The following PPP1R7 variants were observed in gnomAD, a reference collection of about 807,000 sequenced individuals.
PPP1R7 encodes protein phosphatase 1 regulatory subunit 7.
In PPP1R7, 18 loss-of-function variants were observed where a neutral mutation model predicts 45.2. The observed-to-expected ratio is 0.40, with a 90% CI of 0.28 to 0.59. PPP1R7 has a LOEUF of 0.59. PPP1R7 is among the 20% of genes least tolerant of loss of function. The probability of loss-of-function intolerance (pLI) is 0.46; values close to 1 mark genes in which losing one functional copy is unlikely to be tolerated. For synonymous variants in PPP1R7, 181 were observed against 183.4 expected, an observed-to-expected ratio of 0.99 and a Z score of 0.11; for missense variants, 314 against 455.8, an observed-to-expected ratio of 0.69 and a Z score of 2.83.
rs146774244 is a variant in PPP1R7 at position 241,167,255 on chromosome 2, T to C, written c.819+814T>C. The C allele has an allele frequency of 5.0e-4, 238 of 475,326 alleles. 6 individuals carry two copies. The highest frequency in any genetic ancestry group is 4.4e-3 in the African/African-American group (221 of 50,144). 29.4% of individuals were successfully genotyped at this position (475,326 alleles called of 1,614,324 possible). On this transcript the variant is annotated intron_variant, in intron 8 of 9. Coordinates refer to ENST00000234038, the MANE Select transcript of PPP1R7 (RefSeq NM_002712.3). ...CTATAAACATAGTGTTTCAATCTCA[T>C]TAAAGGCCTTTGTGCCTCAACCCCA...
At chr2:241,166,555 C>A (rs954923790) in intron 8 of PPP1R7, 114 bp downstream of exon 8, 2 of 828,640 alleles carry the variant, frequency 2.4e-6, no homozygotes, top group Admixed American at 2.5e-5. Context: ...AGATGCCCTG[C>A]CTCTGGAGGT....
intron 6 of PPP1R7, among the ~76,000 whole-genome samples, chr2:241,160,737 A>G (rs2067569548): frequency 6.6e-6 from 1 of 152,250 alleles, no homozygotes; most frequent in Non-Finnish European, 1.5e-5. Flanking sequence ...CTTCATCCAG[A>G]TCATGACCCT....
At chr2:241,172,334 T>G (rs1224726852) in intron 9 of PPP1R7, among the ~76,000 whole-genome samples, 2 of 152,210 alleles carry the variant, frequency 1.3e-5, no homozygotes, top group African/African-American at 4.8e-5. Flanking sequence ...ATCCCCATGA[T>G]ACCTTATCTT....
chr2:241,163,465 A>G (rs758879977), intron 7 of PPP1R7, 64 bp downstream of exon 7: 17 of 1,160,168 alleles, frequency 1.5e-5, no homozygotes, highest in Non-Finnish European at 2.0e-5. Context: ...GCTGGACACA[A>G]TCTTAGTTTT....
intron 9 of PPP1R7, among the ~76,000 whole-genome samples, chr2:241,173,269 C>CA (rs540011262): frequency 0.31 from 27,525 of 87,602 alleles, 4,502 homozygotes; most frequent in East Asian, 0.67. Flanking sequence ...AAGACTTTCT[C>CA]AAAAAAAAAA....
chr2:241,168,096 C>T (rs2067752251), intron 8 of PPP1R7, among the ~76,000 whole-genome samples: 1 of 152,062 alleles, frequency 6.6e-6, no homozygotes, highest in Non-Finnish European at 1.5e-5. Context: ...GTGTCATGCC[C>T]TTTGGTGTGC....
At chr2:241,168,833 TGGG>T (rs1014775230) in intron 8 of PPP1R7, among the ~76,000 whole-genome samples, 1 of 152,028 alleles carries the variant, frequency 6.6e-6, no homozygotes, top group Admixed American at 6.6e-5. Context: ...TCAGGGGAGA[TGGG>T]GGGAGGAGTA....
intron 6 of PPP1R7, among the ~76,000 whole-genome samples, chr2:241,162,679 A>C (rs1438268037): frequency 7.1e-6 from 1 of 139,970 alleles, no homozygotes; most frequent in Non-Finnish European, 1.5e-5. Flanking sequence ...GGCTCTTGGG[A>C]GGACTTTTTT....
chr2:241,176,782 T>C (rs941470626), intron 9 of PPP1R7, among the ~76,000 whole-genome samples: 1 of 152,194 alleles, frequency 6.6e-6, no homozygotes. Context: ...ACTTTTAAAA[T>C]CTACTAAAAC....
At chr2:241,149,723 G>T, upstream of PPP1R7, 3 of 1,549,404 alleles carry the variant, frequency 1.9e-6, no homozygotes, top group South Asian at 3.5e-5. Context: ...GTAGCGCAGA[G>T]CTCGCCTCTT....
At chr2:241,169,742 C>T in intron 8 of PPP1R7, 39 bp from the exon 9 acceptor site, 1 of 1,531,768 alleles carries the variant, frequency 6.5e-7, no homozygotes, top group Non-Finnish European at 9.0e-7. Flanking sequence ...CACTGTTGAT[C>T]AGAGGTAATC....
intron 7 of PPP1R7, among the ~76,000 whole-genome samples, chr2:241,164,280 T>G (rs1022432819): frequency 2.0e-5 from 3 of 152,132 alleles, no homozygotes; most frequent in African/African-American, 7.2e-5. Context: ...CAAAGGGGAC[T>G]TCTTCAGAAG....
In PPP1R7 at chr2:241,182,753, A is replaced by G; in HGVS notation, c.1013A>G (p.Gln338Arg). The part of the protein sequence containing the change: ...LERNPLQKDP[Q>R]YRRKVMLALP... The stretch of plus-strand genomic sequence containing the variant: ...CGGAACCCCTTGCAGAAGGACCCCC[A>G]GTACCGGCGGAAGGTCATGCTCGCC... Residue 338 changes from glutamine (Q) to arginine (R), a missense_variant, in exon 10 of 10, where the codon CAG (glutamine) becomes CGG (arginine). This residue lies in a region of PPP1R7 where 168 missense variants were observed against 285.3 expected (regional missense o/e 0.59). Coordinates refer to ENST00000234038, the MANE Select transcript of PPP1R7 (RefSeq NM_002712.3). 1.2e-6 allele frequency: 2 copies of G among 1,614,168 alleles called. No homozygotes were observed. The highest frequency in any genetic ancestry group is 1.6e-4 in the Middle Eastern group (1 of 6,062).
At chr2:241,157,984 A>C in intron 3 of PPP1R7, 122 bp downstream of exon 3, 1 of 954,718 alleles carries the variant, frequency 1.0e-6, no homozygotes, top group Non-Finnish European at 1.6e-6. Context: ...TGGTTGAGTC[A>C]GAGTCCCGTG....
intron 9 of PPP1R7, among the ~76,000 whole-genome samples, chr2:241,171,646 A>T (rs2067819287): frequency 6.6e-6 from 1 of 152,256 alleles, no homozygotes; most frequent in Admixed American, 6.5e-5. Flanking sequence ...AAACCTTCCA[A>T]CTATAATTGT....
At chr2:241,174,489 C>T (rs2067874756) in intron 9 of PPP1R7, among the ~76,000 whole-genome samples, 1 of 151,998 alleles carries the variant, frequency 6.6e-6, no homozygotes. Context: ...ACTACAATCA[C>T]CATCTCAACT....
In PPP1R7 at chr2:241,150,486, A is replaced by G. The variant is rs1381995290; in HGVS notation, c.-10A>G. On this transcript the variant is annotated 5_prime_UTR_variant, in exon 1 of 10. Transcript: ENST00000234038. ...GGCGACAGATTCCGGAAAGGGGAAG[A>G]GCAGCCAACATGGCGGCGGAACGCG... The G allele has an allele frequency of 1.9e-6, 3 of 1,596,656 alleles. No individual in the cohort carries two copies. The highest frequency in any genetic ancestry group is 2.6e-6 in the Non-Finnish European group (3 of 1,172,834).
intron 2 of PPP1R7, 121 bp downstream of exon 2, chr2:241,153,725 G>C: frequency 7.7e-7 from 1 of 1,306,080 alleles, no homozygotes; most frequent in Middle Eastern, 2.5e-4. Flanking sequence ...GTGCTCCTTA[G>C]GGGTCCTCAG....
At chr2:241,151,111 T>C (rs1385573285) in intron 1 of PPP1R7, among the ~76,000 whole-genome samples, 1 of 152,162 alleles carries the variant, frequency 6.6e-6, no homozygotes, top group Non-Finnish European at 1.5e-5. Context: ...TTCACTTTGT[T>C]GGAAAAAAAA....
Sources: allele counts gnomAD v4.1 joint callset (sites outside exome capture counted in the v4.1 genomes callset), GRCh38; gene constraint gnomAD v4.1.1; regional missense constraint gnomAD v4.1.1; transcripts MANE v1.5; gene names NCBI Gene and HGNC (gene_info 2026-07-23, HGNC 2026-07-21).